The following ITGAE variants were observed in gnomAD, a reference collection of about 807,000 sequenced individuals.
The protein encoded by ITGAE is integrin alpha-E.
In ITGAE, 99 loss-of-function variants were observed where a neutral mutation model predicts 136.5. The observed-to-expected ratio is 0.73, with a 90% confidence interval of 0.62 to 0.86. The LOEUF (loss-of-function observed/expected upper bound fraction) is 0.86. Ranked by LOEUF, ITGAE falls within the 40% of genes least tolerant of loss-of-function variation. The probability of loss-of-function intolerance (pLI) is 0.00; values close to 1 mark genes in which losing one functional copy is unlikely to be tolerated. For synonymous variants in ITGAE, 613 were observed against 591.8 expected, an observed-to-expected ratio of 1.04 and a Z score of -0.52; for missense variants, 1,447 against 1,515.3, an observed-to-expected ratio of 0.95 and a Z score of 0.75.
intron 8 of ITGAE, among the ~76,000 whole-genome samples, chr17:3,758,457 A>G (rs115332490): frequency 0.019 from 2,780 of 149,392 alleles, 49 homozygotes; most frequent in African/African-American, 0.039. Context: ...TTTTATTATT[A>G]TTATTATTGA....
chr17:3,720,353 T>C lies in ITGAE; in HGVS notation c.3287A>G (p.Asn1096Ser). ...ELQILGEISF[N>S]KSLYEGLNAE... ...ATTCAGTCCCTCATATAGAGATTTG[T>C]TGAAAGATATTTCACCAAGGATCTG... The change falls in exon 29 of 31, where the codon AAC (asparagine) becomes AGC (serine). Residue 1096 changes from asparagine to serine, a missense_variant. By Grantham distance (46) the Asn-to-Ser change is conservative. Coordinates refer to ENST00000263087, the MANE Select transcript of ITGAE (RefSeq NM_002208.5). The C allele has an allele frequency of 6.3e-7, 1 of 1,590,738 alleles. No individual in the cohort carries two copies. Among genetic ancestry groups the C allele is most frequent in the Non-Finnish European group, 8.6e-7 (1 of 1,158,686 alleles).
In ITGAE at chr17:3,751,696, T is replaced by C. The variant is rs1567532603; in HGVS notation, c.1847A>G (p.Tyr616Cys). The C allele has an allele frequency of 1.2e-6, 2 of 1,613,954 alleles. No homozygotes were observed. The highest frequency in any genetic ancestry group is 1.7e-6 in the Non-Finnish European group (2 of 1,179,934). Residue 616 changes from tyrosine to cysteine, a missense_variant, in exon 15 of 31, where the codon TAT (tyrosine) becomes TGT (cysteine). Around this residue, in one of 3 missense-constraint regions of ITGAE, gnomAD observed 1,031 missense variants for 1,011.4 expected, o/e 1.02. Coordinates refer to ENST00000263087, the MANE Select transcript of ITGAE (RefSeq NM_002208.5). ...ADDGASFGSV[Y>C]IYNGHWDGLS... is the part of the protein sequence containing the mutation. ...GCCGTCCCAGTGTCCATTGTAGATATACACACTGCCGAAGCTGGCACCATC... is the reference window on the plus strand; with the variant it reads ...GCCGTCCCAGTGTCCATTGTAGATACACACACTGCCGAAGCTGGCACCATC...
At chr17:3,752,638 C>T (rs1160690997) in intron 14 of ITGAE, among the ~76,000 whole-genome samples, 1 of 152,008 alleles carries the variant, frequency 6.6e-6, no homozygotes, top group East Asian at 1.9e-4. Context: ...TGCCTGTAAT[C>T]CCAGCTACTT....
Position 3,722,162 on chromosome 17 carries a change from C to T in ITGAE, c.3237+1126G>A, listed in dbSNP as rs151031286. On this transcript the variant is annotated intron_variant, in intron 28 of 30. Transcript: ENST00000263087. Reference sequence around the variant, plus strand: ...CCATTGCACAACAAGAGCGAAACTCCGTCTTGAAAGAAAGAAAAGAAAAGA... The same window carrying T: ...CCATTGCACAACAAGAGCGAAACTCTGTCTTGAAAGAAAGAAAAGAAAAGA... Among the ~76,000 whole-genome samples the T allele has an allele frequency of 4.7e-3, 661 of 141,868 alleles. 9 individuals are homozygous for T. The highest frequency in any genetic ancestry group is 0.017 in the African/African-American group (637 of 38,202). The allele number at this position is 141,868 out of a possible 152,430, so 93.1% of individuals were successfully genotyped here.
Position 3,727,812 on chromosome 17 carries a change from A to G in ITGAE, c.3084+107T>C, listed in dbSNP as rs1409328709. 5 of 747,446 alleles carry G rather than the reference A, an allele frequency of 6.7e-6. No homozygotes were observed. In the African/African-American group the frequency reaches 8.8e-5, roughly 13 times the overall value. 46.3% of individuals were successfully genotyped at this position (747,446 alleles called of 1,614,324 possible). On this transcript the variant is annotated intron_variant, in intron 26 of 30. Transcript: ENST00000263087. ...GGGAATTTACTCCTAATCTTTTCCCATGGTTAACTTGTCTTCACTCTGTTT... is the reference window on the plus strand; with the variant it reads ...GGGAATTTACTCCTAATCTTTTCCCGTGGTTAACTTGTCTTCACTCTGTTT...
chr17:3,768,658 C>G (rs1190757287), intron 2 of ITGAE, among the ~76,000 whole-genome samples: 1 of 152,188 alleles, frequency 6.6e-6, no homozygotes, highest in Admixed American at 6.5e-5. Flanking sequence ...TCGCCTGTCA[C>G]CTCCTCATAA....
chr17:3,747,349 G>A (rs528905509), intron 17 of ITGAE, among the ~76,000 whole-genome samples: 8 of 151,576 alleles, frequency 5.3e-5, no homozygotes, highest in Non-Finnish European at 7.4e-5. Context: ...ACGGAGTCTC[G>A]CTCTGTCACC....
intron 26 of ITGAE, 96 bp downstream of exon 26, chr17:3,727,823 G>A (rs1293941022): frequency 2.5e-6 from 2 of 806,728 alleles, no homozygotes; most frequent in Non-Finnish European, 2.1e-6. Context: ...TGGTTAACTT[G>A]TCTTCACTCT....
chr17:3,779,333 CT>C (rs5818916), intron 1 of ITGAE, among the ~76,000 whole-genome samples: 112,152 of 147,228 alleles, frequency 0.76, 44,166 homozygotes, highest in African/African-American at 0.92. Context: ...TTATTAATTT[CT>C]TTTTTTTTTT....
Position 3,761,992 on chromosome 17 carries a change from T to C in ITGAE, c.248-10A>G, listed in dbSNP as rs1472448903. ...GGGATGGGGACATGCTCTGAAAAAG[T>C]TAAGCCCAGGTGAGGAGGAGGAGGG... is the stretch of plus-strand genomic sequence containing the variant. On this transcript the variant is annotated splice_polypyrimidine_tract_variant and intron_variant, in intron 3 of 30. Transcript: ENST00000263087. The C allele has an allele frequency of 6.2e-7, 1 of 1,613,066 alleles. No homozygotes were observed. Among genetic ancestry groups the C allele is most frequent in the Non-Finnish European group, 8.5e-7 (1 of 1,179,550 alleles).
In ITGAE at chr17:3,777,631, C is replaced by T. The variant is rs777916693; in HGVS notation, c.64G>A (p.Asp22Asn). 18 of 1,613,782 alleles carry T rather than the reference C, an allele frequency of 1.1e-5. No individual in the cohort carries two copies. Among genetic ancestry groups the T allele is most frequent in the Non-Finnish European group, 1.4e-5 (17 of 1,179,878 alleles). The change falls in exon 2 of 31, where the codon GAT (aspartate) becomes AAT (asparagine). Residue 22 changes from aspartate (D) to asparagine (N), a missense_variant. By Grantham distance (23) the Asp-to-Asn change is conservative. Around this residue, in one of 3 missense-constraint regions of ITGAE, gnomAD observed 106 missense variants for 87.8 expected, o/e 1.21. Coordinates refer to ENST00000263087, the MANE Select transcript of ITGAE (RefSeq NM_002208.5). ...GGCGTGAGCCAGGGCCGGGCCACAT[C>T]CACATTGAAAGCGGCCAGCAGGGCC... is the stretch of plus-strand genomic sequence containing the variant. ...SLALLAAFNVDVARPWLTPKG... is the reference protein window; with the variant it reads ...SLALLAAFNVNVARPWLTPKG...
chr17:3,745,123 G>A (rs1276822586), intron 18 of ITGAE, among the ~76,000 whole-genome samples: 1 of 152,130 alleles, frequency 6.6e-6, no homozygotes, highest in Non-Finnish European at 1.5e-5. Flanking sequence ...CCTTTGCCAG[G>A]AGTAAACCTT....
At chr17:3,755,288 A>T in intron 11 of ITGAE, 27 bp from the exon 12 acceptor site, 1 of 1,543,138 alleles carries the variant, frequency 6.5e-7, no homozygotes, top group Non-Finnish European at 8.7e-7. Context: ...TGGGGCCCAG[A>T]TGAGTGGGAG....
Position 3,790,501 on chromosome 17 carries a change from G to A in ITGAE, c.34+10610C>T, listed in dbSNP as rs112842265. 3.5e-3 allele frequency among the ~76,000 whole-genome samples: 496 copies of A among 142,660 alleles called. 2 individuals are homozygous for A. The highest frequency in any genetic ancestry group is 0.013 in the African/African-American group (456 of 34,900). 93.6% of individuals were successfully genotyped at this position (142,660 alleles called of 152,430 possible). A position where few individuals can be genotyped will look rare whatever the true frequency, so the allele number is the denominator to read the frequency against. On this transcript the variant is annotated intron_variant, in intron 1 of 30. Coordinates refer to ENST00000263087, the MANE Select transcript of ITGAE (RefSeq NM_002208.5). ...CAGCCTGGTGATAGAGCAAGACTCC[G>A]TCTCAAACAAACACACACACACACA...
In ITGAE at chr17:3,715,600, C is replaced by T. The variant is rs565140256; in HGVS notation, c.3445-658G>A. ...AAGGTCAGGTGCTTATGCCTGTAAC[C>T]CCACCACTTCGGGAGGCCAAGATGA... On this transcript the variant is annotated intron_variant, in intron 30 of 30. Coordinates refer to ENST00000263087, the MANE Select transcript of ITGAE (RefSeq NM_002208.5). Among the ~76,000 whole-genome samples the T allele has an allele frequency of 8.5e-5, 13 of 152,216 alleles. No homozygotes were observed. In the East Asian group the frequency reaches 2.1e-3, roughly 25 times the overall value.
At chr17:3,760,410 A>T in intron 6 of ITGAE, 123 bp from the exon 7 acceptor site, 2 of 219,766 alleles carry the variant, frequency 9.1e-6, no homozygotes, top group Non-Finnish European at 1.8e-5. Context: ...AAGAAGTTGG[A>T]GAAGCTCCCA....
intron 9 of ITGAE, 120 bp from the exon 10 acceptor site, chr17:3,757,254 T>G: frequency 4.1e-6 from 5 of 1,222,712 alleles, no homozygotes; most frequent in Non-Finnish European, 5.8e-6. Flanking sequence ...TTCCTTCCTT[T>G]CTCCTCCTTT....
At chr17:3,783,399 C>A (rs1046876886) in intron 1 of ITGAE, among the ~76,000 whole-genome samples, 10 of 152,232 alleles carry the variant, frequency 6.6e-5, no homozygotes, top group Admixed American at 1.3e-4. Context: ...CCGCCTCAGC[C>A]TCCCAAAGTG....
intron 2 of ITGAE, among the ~76,000 whole-genome samples, chr17:3,771,153 CACAGCCCAAGAAA>C: frequency 6.6e-6 from 1 of 152,070 alleles, no homozygotes; most frequent in South Asian, 2.1e-4. Context: ...TGCTATTCAT[CACAGCCCAAGAAA>C]ACAGCCCAAA....
Sources: gnomAD v4.1 joint callset for allele counts (sites outside exome capture counted in the v4.1 genomes callset) on GRCh38, gnomAD v4.1.1 for gene constraint, gnomAD v4.1.1 regional missense constraint, MANE v1.5 for transcripts, NCBI Gene and HGNC (gene_info 2026-07-23, HGNC 2026-07-21) for gene names.